Variants in RP1 observed in about 807,000 individuals in gnomAD.
RP1 encodes the protein RP1 axonemal microtubule associated.
A neutral mutation model predicts 14.8 loss-of-function variants in RP1; 16 were observed. The ratio of observed to expected loss-of-function variants is 1.08; its 90% CI spans 0.73 to 1.65. RP1 has a LOEUF of 1.65. RP1 is among the 40% of genes most tolerant of loss of function. The pLI, the probability that RP1 is intolerant of heterozygous loss-of-function variation, is 0.00. For missense variants in RP1, 2,631 were observed against 2,535.0 expected (o/e 1.04, Z -0.81); for synonymous variants, 876 against 883.6 (o/e 0.99, Z 0.15).
rs1806208540 is a variant in RP1 at position 54,630,045 on chromosome 8, A to T, written c.6163A>T (p.Ser2055Cys). The T allele has an allele frequency of 5.0e-6, 8 of 1,614,028 alleles. No homozygotes were observed. Among genetic ancestry groups the T allele is most frequent in the Non-Finnish European group, 6.8e-6 (8 of 1,179,942 alleles). ...GNVDSNTQDL[S>C]GQTNEIFKAV... Reference sequence around the variant, plus strand: ...TGTGGATTCAAATACACAAGACCTCAGCGGTCAGACAAATGAAATCTTTAA... The same window carrying T: ...TGTGGATTCAAATACACAAGACCTCTGCGGTCAGACAAATGAAATCTTTAA... Residue 2055 changes from serine to cysteine, a missense_variant, in exon 4 of 4, where the codon AGC becomes TGC. Ser to Cys is a moderately radical substitution (Grantham distance 112). Coordinates refer to ENST00000220676, the MANE Select transcript of RP1 (RefSeq NM_006269.2).
At chr8:54,634,855 G>T (rs969264552), downstream of RP1, among the ~76,000 whole-genome samples, 1 of 152,116 alleles carries the variant, frequency 6.6e-6, no homozygotes, top group African/African-American at 2.4e-5. Context: ...GCCAAGGTGG[G>T]CGGATCACGA....
intron 28 of RP1, among the ~76,000 whole-genome samples, chr8:54,866,749 G>T (rs987971191): frequency 6.6e-5 from 10 of 152,104 alleles, no homozygotes; most frequent in African/African-American, 2.2e-4. Context: ...AAGGACCTAT[G>T]GTCCCCACAT....
chr8:54,812,355 G>A (rs1353008451), intron 24 of RP1, among the ~76,000 whole-genome samples: 1 of 152,108 alleles, frequency 6.6e-6, no homozygotes, highest in African/African-American at 2.4e-5. Context: ...TGACCAGGCT[G>A]GTCTCGAACT....
chr8:54,682,001 C>A (rs966583275), intron 12 of RP1, among the ~76,000 whole-genome samples: 1 of 152,026 alleles, frequency 6.6e-6, no homozygotes, highest in Non-Finnish European at 1.5e-5. Context: ...CTGCAGTGAA[C>A]GTACGCAGGC....
chr8:54,842,860 C>G (rs1261580173), intron 25 of RP1, among the ~76,000 whole-genome samples: 1 of 152,166 alleles, frequency 6.6e-6, no homozygotes, highest in Non-Finnish European at 1.5e-5. Context: ...GCCCTCAGGC[C>G]CCTGCCCTTT....
At chr8:54,724,789 T>C (rs1808615760) in intron 16 of RP1, among the ~76,000 whole-genome samples, 1 of 152,164 alleles carries the variant, frequency 6.6e-6, no homozygotes, top group Non-Finnish European at 1.5e-5. Context: ...CTTTCTGAAT[T>C]CCATACTACT....
chr8:54,738,873 A>T (rs1294418805), intron 18 of RP1: 2 of 1,016,394 alleles, frequency 2.0e-6, no homozygotes, highest in Non-Finnish European at 2.8e-6. Context: ...TAGTGTAAAA[A>T]GAAAGAATTT....
exon 25 of RP1, chr8:54,837,526 A>G (rs1047653520): frequency 4.9e-6 from 6 of 1,231,750 alleles, no homozygotes; most frequent in Admixed American, 4.2e-5. Context: ...CCCAGGTGGT[A>G]TCTGGAAGAA....
intron 24 of RP1, among the ~76,000 whole-genome samples, chr8:54,836,432 G>T (rs1811658106): frequency 6.6e-6 from 1 of 152,182 alleles, no homozygotes; most frequent in South Asian, 2.1e-4. Context: ...GATTAATCTG[G>T]TTTATACAGT....
At chr8:54,841,888 G>A (rs1811798385) in intron 25 of RP1, among the ~76,000 whole-genome samples, 1 of 152,200 alleles carries the variant, frequency 6.6e-6, no homozygotes, top group South Asian at 2.1e-4. Context: ...GTGAAGAAAT[G>A]TTTGATGCCA....
intron 24 of RP1, among the ~76,000 whole-genome samples, chr8:54,826,923 T>C (rs1172185374): frequency 6.6e-6 from 1 of 152,274 alleles, no homozygotes; most frequent in East Asian, 1.9e-4. Flanking sequence ...TGGGATTGCC[T>C]ACTGATTCTA....
At chr8:54,755,540 C>T in intron 20 of RP1, 5 of 1,384,780 alleles carry the variant, frequency 3.6e-6, no homozygotes, top group Middle Eastern at 1.8e-4. Flanking sequence ...AGCCTGAAAA[C>T]CTATGGATCT....
At chr8:54,710,536 T>C (rs1041417778) in intron 15 of RP1, among the ~76,000 whole-genome samples, 1 of 152,192 alleles carries the variant, frequency 6.6e-6, no homozygotes, top group Non-Finnish European at 1.5e-5. Flanking sequence ...GACAGCCTTT[T>C]TGGCTACCCG....
chr8:54,744,802 T>C (rs1809185304), intron 19 of RP1, among the ~76,000 whole-genome samples: 1 of 152,212 alleles, frequency 6.6e-6, no homozygotes, highest in Non-Finnish European at 1.5e-5. Context: ...CTTTATGTCT[T>C]TTATATAGTC....
intron 24 of RP1, among the ~76,000 whole-genome samples, chr8:54,814,024 C>T (rs905617239): frequency 6.6e-6 from 1 of 152,130 alleles, no homozygotes. Context: ...TTATGTGTAT[C>T]TCATATGGCT....
chr8:54,656,140 T>G lies in RP1; in HGVS notation c.1096T>G (p.Leu366Val), dbSNP rs950003089. The stretch of plus-strand genomic sequence containing the variant: ...GTTTTATGTACCTGTTCAACGATGG[T>G]TGGCACGAGATCAAGAGGATGGGGA... The change falls in exon 6 of 23, where the codon TTG becomes GTG. Residue 366 changes from leucine to valine, a missense_variant. Physicochemically the swap from Leu to Val is conservative, Grantham distance 32. Coordinates refer to the RP1 transcript ENST00000636932. 2.6e-6 allele frequency: 4 copies of G among 1,535,554 alleles called. No individual in the cohort carries two copies. In the African/African-American group the frequency reaches 5.5e-5, roughly 21 times the overall value.
intron 24 of RP1, among the ~76,000 whole-genome samples, chr8:54,810,557 G>A (rs1032080007): frequency 1.3e-5 from 2 of 152,174 alleles, no homozygotes; most frequent in African/African-American, 2.4e-5. Context: ...TTGGGAAACA[G>A]CTGGAAATAA....
rs1585574355 is a variant in RP1 at position 54,637,104 on chromosome 8, ATGT to A, written c.788-11878_788-11876del. Among the ~76,000 whole-genome samples, 7 of 152,290 alleles carry A rather than the reference ATGT, an allele frequency of 4.6e-5. No individual in the cohort carries two copies. In the South Asian group the frequency reaches 1.5e-3, roughly 32 times the overall value. ...CTGGTGCTCTTCCTTCAGCAGGTTG[ATGT>A]TGAGGTTAGCCTTGTATGCCCTGTT... On this transcript the variant is annotated intron_variant, in intron 3 of 22. Coordinates refer to the RP1 transcript ENST00000636932.
At chr8:54,807,191 A>G (rs551205092) in intron 24 of RP1, among the ~76,000 whole-genome samples, 2 of 152,332 alleles carry the variant, frequency 1.3e-5, no homozygotes, top group Admixed American at 6.5e-5. Flanking sequence ...CAGCTTTATG[A>G]GGCCAGGTCT....
Sources: gnomAD v4.1 joint callset for allele counts (sites outside exome capture counted in the v4.1 genomes callset) on GRCh38, gnomAD v4.1.1 for gene constraint, MANE v1.5 for transcripts, NCBI Gene and HGNC (gene_info 2026-07-23, HGNC 2026-07-21) for gene names.